DNAAF1: variants seen among roughly 807,000 people sequenced by gnomAD.
DNAAF1 encodes dynein axonemal assembly factor 1.
In DNAAF1, 65 loss-of-function variants were observed where a neutral mutation model predicts 71.1. The ratio of observed to expected loss-of-function variants is 0.91; its 90% CI spans 0.75 to 1.12. The LOEUF (loss-of-function observed/expected upper bound fraction) is 1.12. Among genes scored for constraint, DNAAF1 ranks in the 50% most tolerant of loss-of-function variants. The pLI is 0.00. For synonymous variants in DNAAF1, 414 were observed against 354.6 expected (o/e 1.17, Z -1.88); for missense variants, 1,178 against 899.8 (o/e 1.31, Z -3.96).
chr16:84,145,843 C>T (rs557159682), intron 1 of DNAAF1, among the ~76,000 whole-genome samples: 136 of 152,250 alleles, frequency 8.9e-4, no homozygotes, highest in African/African-American at 3.0e-3. Context: ...CCTGTAATTC[C>T]AGCACTTTGG....
intron 11 of DNAAF1, 53 bp downstream of exon 11, chr16:84,176,352 G>T: frequency 1.2e-6 from 2 of 1,610,502 alleles, no homozygotes; most frequent in South Asian, 2.2e-5. Flanking sequence ...TCCCCGGCCT[G>T]GGATGGGTGG....
intron 3 of DNAAF1, among the ~76,000 whole-genome samples, chr16:84,153,962 C>G (rs535115298): frequency 1.4e-4 from 22 of 152,114 alleles, no homozygotes; most frequent in African/African-American, 4.8e-4. Context: ...GCAAGACCCC[C>G]TAGGATTCAT....
intron 1 of DNAAF1, among the ~76,000 whole-genome samples, chr16:84,148,016 T>C (rs939299685): frequency 2.0e-5 from 3 of 151,748 alleles, no homozygotes; most frequent in African/African-American, 4.8e-5. Flanking sequence ...TGCAGTGAGC[T>C]GAGATCCCGC....
At chr16:84,171,635 C>T (rs2088352426) in intron 8 of DNAAF1, among the ~76,000 whole-genome samples, 1 of 152,112 alleles carries the variant, frequency 6.6e-6, no homozygotes, top group Non-Finnish European at 1.5e-5. Flanking sequence ...GTGAAGCCTG[C>T]CCCTCCGTCT....
intron 11 of DNAAF1, 164 bp from the exon 12 acceptor site, chr16:84,177,565 G>A (rs1408327112): frequency 6.0e-6 from 4 of 661,936 alleles, no homozygotes; most frequent in Non-Finnish European, 1.1e-5. Flanking sequence ...CTGACCTCAG[G>A]TGATCTGTTT....
At chr16:84,148,927 G>C (rs537817791) in intron 1 of DNAAF1, 80 bp from the exon 2 acceptor site, 6 of 1,524,968 alleles carry the variant, frequency 3.9e-6, no homozygotes, top group Non-Finnish European at 5.4e-6. Flanking sequence ...AAAGTGGATG[G>C]TCATTAACCA....
intron 1 of DNAAF1, among the ~76,000 whole-genome samples, chr16:84,146,341 AG>A (rs2086906420): frequency 6.6e-6 from 1 of 152,174 alleles, no homozygotes; most frequent in Non-Finnish European, 1.5e-5. Flanking sequence ...TGCCTGACCT[AG>A]GGTAGAGAGT....
At chr16:84,152,647 CAAAAA>C (rs574069319) in intron 3 of DNAAF1, among the ~76,000 whole-genome samples, 2 of 68,174 alleles carry the variant, frequency 2.9e-5, no homozygotes, top group African/African-American at 5.3e-5. Context: ...GATTCTGTCT[CAAAAA>C]AAAAAAAAAA....
chr16:84,169,709 C>T (rs1403687165), intron 7 of DNAAF1, 150 bp from the exon 8 acceptor site: 1 of 1,124,426 alleles, frequency 8.9e-7, no homozygotes, highest in Non-Finnish European at 1.3e-6. Context: ...GCACGAGCCA[C>T]CGCGCCCAGC....
At chr16:84,176,367 G>A (rs910419494) in intron 11 of DNAAF1, 68 bp downstream of exon 11, 1 of 1,606,994 alleles carries the variant, frequency 6.2e-7, no homozygotes, top group South Asian at 1.1e-5. Flanking sequence ...GGGTGGGGCA[G>A]GGCAGTCACT....
intron 3 of DNAAF1, 86 bp downstream of exon 3, chr16:84,150,428 T>C (rs574356775): frequency 3.0e-6 from 3 of 1,009,838 alleles, no homozygotes; most frequent in East Asian, 2.5e-5. Flanking sequence ...GGATCACCTT[T>C]AGTTCTCAGA....
chr16:84,176,319 A>C lies in DNAAF1; in HGVS notation c.2065+20A>C, dbSNP rs1392623784. 3 of 1,612,776 alleles carry C rather than the reference A, an allele frequency of 1.9e-6. No homozygotes were observed. Among genetic ancestry groups the C allele is most frequent in the East Asian group, 2.2e-5 (1 of 44,862 alleles). ...CTCCGGGTAAGAGCGTGGGGCCGAG[A>C]GCACAGTGGAGACAATGTTGGCTCC... On this transcript the variant is annotated intron_variant, in intron 11 of 11. Transcript: ENST00000378553.
intron 8 of DNAAF1, 73 bp from the exon 9 acceptor site, chr16:84,172,187 C>T: frequency 7.0e-7 from 1 of 1,436,016 alleles, no homozygotes; most frequent in Non-Finnish European, 9.7e-7. Context: ...CTTGGGAGCC[C>T]ATCTTCACCG....
At chr16:84,160,732 A>G (rs1288533389) in intron 6 of DNAAF1, among the ~76,000 whole-genome samples, 1 of 151,674 alleles carries the variant, frequency 6.6e-6, no homozygotes, top group East Asian at 1.9e-4. Context: ...CAGGAGATCG[A>G]GACCACCCTG....
chr16:84,154,853 CT>C, intron 4 of DNAAF1, 55 bp downstream of exon 4: 1 of 1,388,266 alleles, frequency 7.2e-7, no homozygotes, highest in Non-Finnish European at 1.0e-6. Flanking sequence ...TCACCTTCCC[CT>C]GAGGGATGTT....
intron 11 of DNAAF1, 37 bp from the exon 12 acceptor site, chr16:84,177,692 G>T (rs751212968): frequency 7.0e-6 from 11 of 1,575,160 alleles, no homozygotes; most frequent in Non-Finnish European, 9.6e-6. Flanking sequence ...CAGTCACAGT[G>T]ACAGGGAGAA....
chr16:84,171,618 G>A (rs1597479903), intron 8 of DNAAF1, among the ~76,000 whole-genome samples: 1 of 152,314 alleles, frequency 6.6e-6, no homozygotes, highest in South Asian at 2.1e-4. Context: ...CAGGCTGGCG[G>A]TGGGCTGTGA....
chr16:84,148,597 T>TCTCTC (rs1555519913), intron 1 of DNAAF1, among the ~76,000 whole-genome samples: 2 of 53,194 alleles, frequency 3.8e-5, no homozygotes, highest in Non-Finnish European at 7.8e-5. Flanking sequence ...TCTCTCTCTC[T>TCTCTC]TTTTTTTTTT....
chr16:84,150,608 TTTTC>T (rs1426122462), intron 3 of DNAAF1, among the ~76,000 whole-genome samples: 5 of 148,728 alleles, frequency 3.4e-5, no homozygotes, highest in South Asian at 4.2e-4. Context: ...TTTTTTTTTC[TTTTC>T]TTTCTTTTTT....
Sources: gnomAD v4.1 joint callset for allele counts (sites outside exome capture counted in the v4.1 genomes callset) on GRCh38, gnomAD v4.1.1 for gene constraint, MANE v1.5 for transcripts, NCBI Gene and HGNC (gene_info 2026-07-23, HGNC 2026-07-21) for gene names.